The following PCDHGA3 variants were observed in gnomAD, a reference collection of about 807,000 sequenced individuals.
PCDHGA3 encodes protocadherin gamma subfamily A, 3.
A neutral mutation model predicts 58.5 loss-of-function variants in PCDHGA3; 40 were observed. The observed-to-expected ratio is 0.68, with a 90% confidence interval of 0.53 to 0.89. The LOEUF (loss-of-function observed/expected upper bound fraction) is 0.89. Ranked by LOEUF, PCDHGA3 falls within the 40% of genes least tolerant of loss-of-function variation. The probability of loss-of-function intolerance (pLI) is 0.00; values close to 1 mark genes in which losing one functional copy is unlikely to be tolerated. For synonymous variants in PCDHGA3, 530 were observed against 525.7 expected (o/e 1.01, Z -0.11); for missense variants, 1,223 against 1,195.9 (o/e 1.02, Z -0.33).
chr5:141,346,098 C>T lies in PCDHGA3; in HGVS notation c.2065C>T (p.Leu689Phe). The change falls in exon 1 of 4, where the codon CTC becomes TTC. Residue 689 changes from leucine to phenylalanine, a missense_variant. Leu to Phe is a conservative substitution (Grantham distance 22). Coordinates refer to ENST00000253812, the MANE Select transcript of PCDHGA3 (RefSeq NM_018916.4). ...CTCCGCCAAACCCAACGATTCGGAC[C>T]TCACTCTGTACCTGGTGGTGGCGGT... ...EPSAKPNDSD[L>F]TLYLVVAVAA... is the part of the protein sequence containing the mutation. The T allele has an allele frequency of 6.2e-7, 1 of 1,613,784 alleles. No individual in the cohort carries two copies. The highest frequency in any genetic ancestry group is 2.2e-5 in the East Asian group (1 of 44,866).
chr5:141,385,638 T>A, intron 1 of PCDHGA3: 1 of 831,764 alleles, frequency 1.2e-6, no homozygotes, highest in Non-Finnish European at 1.5e-6. Context: ...ATCGAGTCTT[T>A]CATATTGCAC....
In PCDHGA3 at chr5:141,489,459, C is replaced by A; in HGVS notation, c.2425-5348C>A. ...AATTGGGCTCTGAGGAGAATGGGCG[C>A]TATTTTTCCCTGAGCTTGATGAGTG... On this transcript the variant is annotated intron_variant, in intron 1 of 3. Transcript: ENST00000253812. The surrounding 1 kb of genome is among the most constrained non-coding windows in gnomAD (Gnocchi z 4.5). 1 of 1,614,086 alleles carries A rather than the reference C, an allele frequency of 6.2e-7. No individual in the cohort carries two copies. The highest frequency in any genetic ancestry group is 8.5e-7 in the Non-Finnish European group (1 of 1,180,012).
chr5:141,384,283 G>C (rs762515266), intron 1 of PCDHGA3: 19 of 1,613,644 alleles, frequency 1.2e-5, no homozygotes, highest in South Asian at 2.2e-5. Flanking sequence ...AGTCTACATC[G>C]CTGAGAACAA....
chr5:141,361,408 AC>A (rs1561523484), intron 1 of PCDHGA3: 1 of 1,614,054 alleles, frequency 6.2e-7, no homozygotes. Context: ...CATCACAGCC[AC>A]CGACGGGGGC....
Position 141,431,260 on chromosome 5 carries a change from G to C in PCDHGA3, c.2425-63547G>C, listed in dbSNP as rs762250032. On this transcript the variant is annotated intron_variant, in intron 1 of 3. Coordinates refer to ENST00000253812, the MANE Select transcript of PCDHGA3 (RefSeq NM_018916.4). The surrounding 1 kb of genome is among the most constrained non-coding windows in gnomAD (Gnocchi z 4.8). The stretch of plus-strand genomic sequence containing the variant: ...ATCCGGATATCGGGAAGAACTCTCT[G>C]CAGAGCTACGAGCTCAGCCCGAACA... 6.2e-7 allele frequency: 1 copy of C among 1,614,170 alleles called. No homozygotes were observed. Among genetic ancestry groups the C allele is most frequent in the Non-Finnish European group, 8.5e-7 (1 of 1,180,052 alleles).
chr5:141,388,572 G>A, intron 1 of PCDHGA3: 6 of 1,613,808 alleles, frequency 3.7e-6, no homozygotes, highest in South Asian at 2.2e-5. Flanking sequence ...ACAGATACAC[G>A]TTCTAGTGAC....
intron 1 of PCDHGA3, chr5:141,409,807 C>T (rs1561723178): frequency 1.2e-6 from 2 of 1,611,592 alleles, no homozygotes; most frequent in Non-Finnish European, 1.7e-6. Flanking sequence ...TGCAGGCCCG[C>T]GACCACGGCT....
intron 1 of PCDHGA3, among the ~76,000 whole-genome samples, chr5:141,381,833 T>C (rs1385600494): frequency 7.2e-5 from 10 of 138,622 alleles, no homozygotes; most frequent in African/African-American, 2.5e-4. Context: ...CTTCTTTTTT[T>C]TTTTTTTTTT....
rs377367120 is a variant in PCDHGA3, at chr5:141,431,614, C to A, written c.2425-63193C>A. On this transcript the variant is annotated intron_variant, in intron 1 of 3. Transcript: ENST00000253812. The surrounding 1 kb of genome is among the most constrained non-coding windows in gnomAD (Gnocchi z 4.8). ...TGAGGTATTCCTTCCGGTATGTGGA[C>A]GACAAGGCGGCCCAAGTTTTCAAAC... The A allele has an allele frequency of 8.7e-6, 14 of 1,614,206 alleles. No individual in the cohort carries two copies. In the African/African-American group the frequency reaches 1.6e-4, roughly 18 times the overall value.
Position 141,394,179 on chromosome 5 carries a change from T to C in PCDHGA3, c.2424+47722T>C. The C allele has an allele frequency of 2.5e-6, 4 of 1,613,868 alleles. No individual in the cohort carries two copies. The South Asian group carries it at 4.4e-5, about 18-fold the overall frequency. On this transcript the variant is annotated intron_variant, in intron 1 of 3. Coordinates refer to ENST00000253812, the MANE Select transcript of PCDHGA3 (RefSeq NM_018916.4). ...CAACCCTCCTACTTTCCCTCATGCC[T>C]CCTACTCAGCGTATATCCTAGAGAA...
At chr5:141,366,097 C>G in intron 1 of PCDHGA3, 2 of 1,614,240 alleles carry the variant, frequency 1.2e-6, no homozygotes, top group African/African-American at 1.3e-5. Flanking sequence ...ACCTGGTGAC[C>G]AAGGTGGTAG....
chr5:141,376,321 T>A (rs764863792), intron 1 of PCDHGA3: 5 of 1,614,176 alleles, frequency 3.1e-6, no homozygotes, highest in African/African-American at 1.3e-5. Flanking sequence ...TGGAAGGGGT[T>A]CGGGCTTTCC....
chr5:141,422,616 C>T, intron 1 of PCDHGA3: 1 of 1,613,714 alleles, frequency 6.2e-7, no homozygotes. Flanking sequence ...CCTACATTCC[C>T]GAAAACAACC....
chr5:141,365,319 G>T (rs745669256), intron 1 of PCDHGA3: 2 of 1,613,982 alleles, frequency 1.2e-6, no homozygotes, highest in South Asian at 2.2e-5. Context: ...CTTGTTGCCA[G>T]CGCTAAGGTG....
chr5:141,388,278 A>G (rs769879098), intron 1 of PCDHGA3: 3 of 1,613,502 alleles, frequency 1.9e-6, no homozygotes, highest in East Asian at 2.2e-5. Context: ...CCACACGCCA[A>G]AATTCACGCA....
chr5:141,399,998 C>T (rs753846360), intron 1 of PCDHGA3: 37 of 1,612,212 alleles, frequency 2.3e-5, no homozygotes, highest in Non-Finnish European at 2.7e-5. Context: ...GAGGTGCGCA[C>T]AGCGCGTGCC....
intron 1 of PCDHGA3, among the ~76,000 whole-genome samples, chr5:141,463,117 A>G (rs2099053039): frequency 6.6e-6 from 1 of 152,196 alleles, no homozygotes; most frequent in African/African-American, 2.4e-5. Context: ...TTCAGCTAAT[A>G]GCTCCCTGGC....
In PCDHGA3 at chr5:141,366,520, C is replaced by T. The variant is rs2149895012; in HGVS notation, c.2424+20063C>T. ...CACGCCTGCTTCAGGCTGAAGGCAG[C>T]AGGTTGGCGGGTGTGCCCGCCTCGC... On this transcript the variant is annotated intron_variant, in intron 1 of 3. Coordinates refer to ENST00000253812, the MANE Select transcript of PCDHGA3 (RefSeq NM_018916.4). 3 of 1,614,278 alleles carry T rather than the reference C, an allele frequency of 1.9e-6. No individual in the cohort carries two copies. The East Asian group carries it at 6.7e-5, about 36-fold the overall frequency.
intron 1 of PCDHGA3, chr5:141,389,913 C>A (rs751155354): frequency 6.2e-7 from 1 of 1,614,092 alleles, no homozygotes; most frequent in Non-Finnish European, 8.5e-7. Context: ...CACTGACCGC[C>A]CCGACCCCTC....
Sources: gnomAD v4.1 joint callset for allele counts (sites outside exome capture counted in the v4.1 genomes callset) on GRCh38, gnomAD v4.1.1 for gene constraint, Gnocchi (gnomAD v3.1) non-coding constraint, MANE v1.5 for transcripts, NCBI Gene and HGNC (gene_info 2026-07-23, HGNC 2026-07-21) for gene names.